The following PCDH11Y variants were observed in gnomAD, a reference collection of about 807,000 sequenced individuals.
The protein encoded by PCDH11Y is protocadherin 11 Y-linked.
For missense variants in PCDH11Y, 12 were observed against 224.8 expected, an observed-to-expected ratio of 0.05 and a Z score of 6.05; for synonymous variants, 9 against 83.6, an observed-to-expected ratio of 0.11 and a Z score of 4.87.
chrY:5,387,313 A>G, intron 2 of PCDH11Y, among the ~76,000 whole-genome samples: 7 of 33,712 alleles, frequency 2.1e-4, no homozygotes, highest in Non-Finnish European at 2.9e-4. Context: ...GGCGTGAGCC[A>G]CCGCTCCTGG....
intron 2 of PCDH11Y, among the ~76,000 whole-genome samples, chrY:5,355,707 A>G: frequency 3.0e-5 from 1 of 33,362 alleles, no homozygotes; most frequent in Non-Finnish European, 7.4e-5. Flanking sequence ...ATATACTCTG[A>G]ATCATGATAT....
intron 1 of PCDH11Y, among the ~76,000 whole-genome samples, chrY:5,085,419 A>G: frequency 3.0e-5 from 1 of 33,606 alleles, no homozygotes; most frequent in Non-Finnish European, 7.4e-5. Flanking sequence ...TTAGGATAAG[A>G]GTAGTTTACA....
At chrY:5,295,712 G>A (rs2053073521) in intron 2 of PCDH11Y, among the ~76,000 whole-genome samples, 1 of 33,390 alleles carries the variant, frequency 3.0e-5, no homozygotes, top group African/African-American at 1.2e-4. Context: ...CCCTTTTTAG[G>A]CTATTTCCTA....
intron 2 of PCDH11Y, among the ~76,000 whole-genome samples, chrY:5,440,758 TAGAG>T (rs769163370): frequency 0.016 from 222 of 13,798 alleles, no homozygotes; most frequent in Middle Eastern, 0.14. Context: ...TATATATATA[TAGAG>T]AGAGAGAGAG....
chrY:5,386,143 G>T, intron 2 of PCDH11Y, among the ~76,000 whole-genome samples: 2 of 33,323 alleles, frequency 6.0e-5, no homozygotes, highest in East Asian at 7.8e-4. Context: ...AATACTTTTG[G>T]CTGATAATTA....
chrY:5,527,947 A>C (rs2053389457), intron 3 of PCDH11Y, among the ~76,000 whole-genome samples: 1 of 33,614 alleles, frequency 3.0e-5, no homozygotes, highest in African/African-American at 1.2e-4. Context: ...ACCAAGAGTC[A>C]CATGGCTGCA....
chrY:5,377,562 T>C, intron 2 of PCDH11Y, among the ~76,000 whole-genome samples: 1 of 33,697 alleles, frequency 3.0e-5, no homozygotes, highest in Non-Finnish European at 7.3e-5. Context: ...TGAATATTTT[T>C]ATGTTTATGC....
chrY:5,507,304 TA>T (rs2053359687), intron 3 of PCDH11Y, among the ~76,000 whole-genome samples: 1 of 32,579 alleles, frequency 3.1e-5, no homozygotes, highest in African/African-American at 1.2e-4. Context: ...TACATTATAA[TA>T]AGAAAAATGG....
chrY:5,574,017 A>G, intron 3 of PCDH11Y: 1 of 216,133 alleles, frequency 4.6e-6, no homozygotes, highest in Non-Finnish European at 8.1e-6. Flanking sequence ...AGCTGCTGAG[A>G]TGACGCTCAC....
intron 4 of PCDH11Y, among the ~76,000 whole-genome samples, chrY:5,655,005 T>A: frequency 3.0e-5 from 1 of 33,427 alleles, no homozygotes; most frequent in Non-Finnish European, 7.4e-5. Flanking sequence ...CTACTCTAAT[T>A]TAAATGTAAT....
At chrY:5,499,182 T>G in intron 2 of PCDH11Y, among the ~76,000 whole-genome samples, 4 of 32,525 alleles carry the variant, frequency 1.2e-4, no homozygotes, top group African/African-American at 4.8e-4. Flanking sequence ...CAAAAACCCC[T>G]GCCTTCTGAA....
intron 2 of PCDH11Y, among the ~76,000 whole-genome samples, chrY:5,185,124 C>T: frequency 3.1e-5 from 1 of 32,183 alleles, no homozygotes; most frequent in Non-Finnish European, 7.6e-5. Context: ...CTGTCTCCTA[C>T]GCTGGAGTGC....
At chrY:5,032,180 G>T (rs2052591320) in intron 2 of PCDH11Y, among the ~76,000 whole-genome samples, 1 of 33,790 alleles carries the variant, frequency 3.0e-5, no homozygotes, top group Admixed American at 2.7e-4. Context: ...TGTGATTGCC[G>T]TTCAAGGCAG....
chrY:5,395,959 T>G (rs2053226533), intron 2 of PCDH11Y, among the ~76,000 whole-genome samples: 2 of 29,439 alleles, frequency 6.8e-5, no homozygotes, highest in African/African-American at 2.7e-4. Flanking sequence ...TTGTTTTTTG[T>G]TTTTTTTTTT....
intron 2 of PCDH11Y, among the ~76,000 whole-genome samples, chrY:5,415,422 G>A: frequency 3.0e-5 from 1 of 32,942 alleles, no homozygotes; most frequent in Non-Finnish European, 7.5e-5. Context: ...GTGCCAGTAG[G>A]CCAGGGCCAC....
chrY:5,079,950 A>G, intron 1 of PCDH11Y, among the ~76,000 whole-genome samples: 4 of 33,517 alleles, frequency 1.2e-4, no homozygotes, highest in Non-Finnish European at 2.9e-4. Flanking sequence ...GTTCCAAACC[A>G]TATTGTAGTG....
intron 1 of PCDH11Y, among the ~76,000 whole-genome samples, chrY:5,014,458 A>G (rs2052557720): frequency 3.0e-5 from 1 of 33,008 alleles, no homozygotes; most frequent in African/African-American, 1.2e-4. Flanking sequence ...GTAATTTAAA[A>G]CATGTATTAA....
intron 2 of PCDH11Y, among the ~76,000 whole-genome samples, chrY:5,345,863 A>T: frequency 3.1e-5 from 1 of 32,281 alleles, no homozygotes; most frequent in African/African-American, 1.2e-4. Flanking sequence ...GGGTTTCACC[A>T]GGTTGGCCAG....
chrY:5,296,173 C>T, intron 2 of PCDH11Y, among the ~76,000 whole-genome samples: 1 of 31,791 alleles, frequency 3.1e-5, no homozygotes, highest in Admixed American at 2.9e-4. Flanking sequence ...TTTTCCCTAT[C>T]CTTATAGGGA....
Sources: allele counts gnomAD v4.1 joint callset (sites outside exome capture counted in the v4.1 genomes callset), GRCh38; gene constraint gnomAD v4.1.1; transcripts MANE v1.5; gene names NCBI Gene and HGNC (gene_info 2026-07-23, HGNC 2026-07-21).